COL14A1: variants seen among roughly 807,000 people sequenced by gnomAD.
COL14A1 encodes the protein collagen type XIV alpha 1 chain, also known as collagen alpha-1(XIV) chain.
A neutral mutation model predicts 230.3 loss-of-function variants in COL14A1; 136 were observed. That is an observed-to-expected ratio of 0.59 (90% CI 0.51 to 0.68). COL14A1 has a LOEUF of 0.68. Among genes scored for constraint, COL14A1 ranks in the 30% least tolerant of loss-of-function variants. The probability of loss-of-function intolerance (pLI) is 0.00; values close to 1 mark genes in which losing one functional copy is unlikely to be tolerated. For synonymous variants in COL14A1, 792 were observed against 784.1 expected, an observed-to-expected ratio of 1.01 and a Z score of -0.17; for missense variants, 1,976 against 2,215.8, an observed-to-expected ratio of 0.89 and a Z score of 2.17.
In COL14A1 at chr8:120,197,834, C is replaced by G; in HGVS notation, c.616C>G (p.Pro206Ala). ...RIGLAQYSGD[P>A]RIEWHLNAFS... is the part of the protein sequence containing the mutation. ...AGGTCTTGCACAGTATAGTGGTGAC[C>G]CCAGAATAGAATGGCACTTGAATGC... The change falls in exon 7 of 48, where the codon CCC (proline) becomes GCC (alanine). Residue 206 changes from proline (P) to alanine (A), a missense_variant. Pro to Ala is a conservative substitution (Grantham distance 27). Coordinates refer to ENST00000297848, the MANE Select transcript of COL14A1 (RefSeq NM_021110.4). 6.2e-7 allele frequency: 1 copy of G among 1,613,386 alleles called. No individual in the cohort carries two copies. The highest frequency in any genetic ancestry group is 1.7e-5 in the Admixed American group (1 of 59,948).
At chr8:120,331,383 T>C (rs941387025) in intron 40 of COL14A1, among the ~76,000 whole-genome samples, 1 of 152,234 alleles carries the variant, frequency 6.6e-6, no homozygotes, top group Non-Finnish European at 1.5e-5. Context: ...GAAGATTCTC[T>C]CTTAAATTAA....
chr8:120,356,969 T>C (rs1241564993), intron 45 of COL14A1, among the ~76,000 whole-genome samples: 1 of 149,528 alleles, frequency 6.7e-6, no homozygotes, highest in Non-Finnish European at 1.5e-5. Flanking sequence ...ATTGCTCTTC[T>C]TTTTCTTCTT....
intron 5 of COL14A1, among the ~76,000 whole-genome samples, chr8:120,180,822 T>C (rs939851351): frequency 6.6e-6 from 1 of 150,536 alleles, no homozygotes; most frequent in Non-Finnish European, 1.5e-5. Flanking sequence ...ATTCTCCTGC[T>C]GCAGCCTCCT....
chr8:120,262,275 C>T (rs1468341949), intron 23 of COL14A1, among the ~76,000 whole-genome samples: 1 of 151,972 alleles, frequency 6.6e-6, no homozygotes, highest in Non-Finnish European at 1.5e-5. Context: ...GAATTCGAGA[C>T]CAGCCTGGCC....
intron 5 of COL14A1, among the ~76,000 whole-genome samples, chr8:120,174,055 C>T (rs1033199365): frequency 1.3e-5 from 2 of 152,072 alleles, no homozygotes; most frequent in Non-Finnish European, 2.9e-5. Context: ...TGGCACATTT[C>T]CAGAAGTTGA....
chr8:120,208,506 A>G (rs1817518929), intron 11 of COL14A1, 145 bp downstream of exon 11: 1 of 876,626 alleles, frequency 1.1e-6, no homozygotes, highest in Admixed American at 2.8e-5. Context: ...GTCGTGCTAT[A>G]TGTGATACTG....
intron 45 of COL14A1, among the ~76,000 whole-genome samples, chr8:120,348,073 G>A (rs141726379): frequency 6.6e-6 from 1 of 151,764 alleles, no homozygotes; most frequent in Non-Finnish European, 1.5e-5. Context: ...AAAGATATTT[G>A]CATATGCATG....
At chr8:120,320,310 G>C (rs1563736108) in intron 40 of COL14A1, among the ~76,000 whole-genome samples, 2 of 152,074 alleles carry the variant, frequency 1.3e-5, no homozygotes, top group Non-Finnish European at 2.9e-5. Flanking sequence ...TATTTTATAA[G>C]GCTTGTACTT....
chr8:120,199,592 C>A (rs751535835), intron 8 of COL14A1, 26 bp downstream of exon 8: 3 of 1,596,744 alleles, frequency 1.9e-6, no homozygotes, highest in African/African-American at 2.7e-5. Flanking sequence ...AGTCTTGTTT[C>A]AACTAAGGGC....
rs569864416 is a variant in COL14A1 at position 120,283,696 on chromosome 8, T to C, written c.3885T>C (p.Leu1295=). 1 of 1,613,906 alleles carries C rather than the reference T, an allele frequency of 6.2e-7. No individual in the cohort carries two copies. The highest frequency in any genetic ancestry group is 8.5e-7 in the Non-Finnish European group (1 of 1,179,904). ...DYTISFLFRI[L]PDTPQEPFAL... is the part of the protein sequence containing the mutation. ...CAATCAGTTTTCTATTCCGGATTCTTCCTGACACTCCACAGGAGCCATTTG... is the reference window on the plus strand; with the variant it reads ...CAATCAGTTTTCTATTCCGGATTCTCCCTGACACTCCACAGGAGCCATTTG... The change falls in exon 32 of 48, where the codon CTT becomes CTC. Residue 1295 remains leucine (L), a synonymous_variant. Transcript: ENST00000297848.
chr8:120,359,792 ACT>A (rs1823126051), intron 45 of COL14A1, among the ~76,000 whole-genome samples: 1 of 152,026 alleles, frequency 6.6e-6, no homozygotes, highest in Non-Finnish European at 1.5e-5. Flanking sequence ...TTCTCCTGCC[ACT>A]CACCTGCAGT....
At chr8:120,215,350 G>T (rs1817718814) in intron 13 of COL14A1, among the ~76,000 whole-genome samples, 1 of 151,844 alleles carries the variant, frequency 6.6e-6, no homozygotes, top group Admixed American at 6.6e-5. Flanking sequence ...CACCCTGGAT[G>T]ACAGAGTGAG....
intron 45 of COL14A1, among the ~76,000 whole-genome samples, chr8:120,364,243 T>C (rs1326256209): frequency 6.6e-6 from 1 of 152,144 alleles, no homozygotes; most frequent in Admixed American, 6.5e-5. Flanking sequence ...AATGACTTTA[T>C]ACCCAGGCTC....
intron 1 of COL14A1, among the ~76,000 whole-genome samples, chr8:120,141,295 T>A (rs1814899649): frequency 6.6e-6 from 1 of 152,076 alleles, no homozygotes; most frequent in Admixed American, 6.6e-5. Flanking sequence ...ATAATCCCAG[T>A]ATTTTGAGAG....
At chr8:120,317,272 T>C (rs545254216) in intron 40 of COL14A1, among the ~76,000 whole-genome samples, 80 of 152,336 alleles carry the variant, frequency 5.3e-4, no homozygotes, top group Admixed American at 8.5e-4. Context: ...TCAGGGTAGC[T>C]ATACTGTTCA....
chr8:120,336,193 C>A (rs1822066302), intron 42 of COL14A1, among the ~76,000 whole-genome samples: 1 of 152,040 alleles, frequency 6.6e-6, no homozygotes, highest in Non-Finnish European at 1.5e-5. Context: ...TAATAAAGGG[C>A]AGAAAGTGTG....
intron 1 of COL14A1, among the ~76,000 whole-genome samples, chr8:120,138,787 C>T (rs541984702): frequency 6.6e-6 from 1 of 152,224 alleles, no homozygotes; most frequent in African/African-American, 2.4e-5. Context: ...ATTTTCAAAG[C>T]TAACACACTG....
chr8:120,326,974 C>T (rs565443350), intron 40 of COL14A1, among the ~76,000 whole-genome samples: 28 of 152,182 alleles, frequency 1.8e-4, no homozygotes, highest in African/African-American at 5.1e-4. Flanking sequence ...TGCCATGAGC[C>T]GAGATTGTGC....
rs1000866508 is a variant in COL14A1 at position 120,163,725 on chromosome 8, C to T, written c.349+1156C>T. Among the ~76,000 whole-genome samples the T allele has an allele frequency of 1.1e-4, 16 of 152,160 alleles. No individual in the cohort carries two copies. The South Asian group carries it at 2.7e-3, about 26-fold the overall frequency. On this transcript the variant is annotated intron_variant, in intron 4 of 47. Coordinates refer to ENST00000297848, the MANE Select transcript of COL14A1 (RefSeq NM_021110.4). ...TTGCAGTGAGCCGAGATTGCGCCAT[C>T]GCCCTCCAGCCTGGGCAACAAGAGC... is the stretch of plus-strand genomic sequence containing the variant.
Sources: allele counts gnomAD v4.1 joint callset (sites outside exome capture counted in the v4.1 genomes callset), GRCh38; gene constraint gnomAD v4.1.1; transcripts MANE v1.5; gene names NCBI Gene and HGNC (gene_info 2026-07-23, HGNC 2026-07-21).